The following UNC13C variants were observed in gnomAD, a reference collection of about 807,000 sequenced individuals.
The protein encoded by UNC13C is unc-13 homolog C, also known as protein unc-13 homolog C.
In UNC13C, 174 loss-of-function variants were observed where a neutral mutation model predicts 245.4. That is an observed-to-expected ratio of 0.71 (90% CI 0.63 to 0.80). The LOEUF (loss-of-function observed/expected upper bound fraction) is 0.80. Among genes scored for constraint, UNC13C ranks in the 30% least tolerant of loss-of-function variants. The pLI, the probability that UNC13C is intolerant of heterozygous loss-of-function variation, is 0.00. For synonymous variants in UNC13C, 992 were observed against 895.1 expected (o/e 1.11, Z -1.93); for missense variants, 2,829 against 2,602.9 (o/e 1.09, Z -1.89).
At chr15:54,032,762 C>A (rs74378848) in intron 2 of UNC13C, among the ~76,000 whole-genome samples, 7,279 of 152,124 alleles carry the variant, frequency 0.048, 576 homozygotes, top group African/African-American at 0.17. Flanking sequence ...CTCATGTGGT[C>A]CCCCATAGAA....
At chr15:54,244,290 G>A (rs2035934465) in intron 7 of UNC13C, among the ~76,000 whole-genome samples, 1 of 152,048 alleles carries the variant, frequency 6.6e-6, no homozygotes, top group African/African-American at 2.4e-5. Flanking sequence ...GAAGGTGCAT[G>A]GTCTTGTTTC....
At chr15:54,233,073 CCA>C (rs1246072411) in intron 4 of UNC13C, among the ~76,000 whole-genome samples, 4 of 152,104 alleles carry the variant, frequency 2.6e-5, no homozygotes, top group Non-Finnish European at 5.9e-5. Context: ...CTTTTCTACT[CCA>C]CAGTCTCTTG....
At chr15:54,421,791 A>G (rs946263148) in intron 19 of UNC13C, among the ~76,000 whole-genome samples, 4 of 152,034 alleles carry the variant, frequency 2.6e-5, no homozygotes, top group African/African-American at 9.7e-5. Context: ...ACCAAAGGAA[A>G]ATTACTCACA....
chr15:53,978,322 C>G (rs1164293300), upstream of UNC13C, among the ~76,000 whole-genome samples: 1 of 151,954 alleles, frequency 6.6e-6, no homozygotes, highest in Non-Finnish European at 1.5e-5. Context: ...CAGTGCGTCT[C>G]CTGTGAGCAG....
chr15:54,336,884 T>C (rs1222533013), intron 16 of UNC13C, among the ~76,000 whole-genome samples: 1 of 152,150 alleles, frequency 6.6e-6, no homozygotes, highest in Non-Finnish European at 1.5e-5. Flanking sequence ...TAGCAAATCA[T>C]TAAAAAAGAT....
chr15:54,091,534 A>G (rs1481872054), intron 2 of UNC13C, among the ~76,000 whole-genome samples: 2 of 151,992 alleles, frequency 1.3e-5, no homozygotes, highest in East Asian at 1.9e-4. Flanking sequence ...TTTGAGATTT[A>G]TTTTCCATCT....
At chr15:54,428,029 C>A (rs2140970605) in intron 19 of UNC13C, among the ~76,000 whole-genome samples, 2 of 151,882 alleles carry the variant, frequency 1.3e-5, no homozygotes, top group Middle Eastern at 6.8e-3. Flanking sequence ...ACAGCCTGTT[C>A]TGTTTTGTTT....
chr15:54,329,676 A>C (rs979734858), intron 14 of UNC13C, among the ~76,000 whole-genome samples: 1 of 152,030 alleles, frequency 6.6e-6, no homozygotes, highest in African/African-American at 2.4e-5. Flanking sequence ...TGTTTAAAGA[A>C]TCTCTATGAA....
chr15:54,275,341 G>A (rs904722978), intron 10 of UNC13C, among the ~76,000 whole-genome samples: 6 of 152,088 alleles, frequency 3.9e-5, no homozygotes, highest in South Asian at 4.1e-4. Flanking sequence ...ATGCCCAATA[G>A]CATTAGTTAT....
intron 4 of UNC13C, among the ~76,000 whole-genome samples, chr15:54,224,426 A>G (rs181777014): frequency 3.9e-5 from 6 of 152,268 alleles, no homozygotes; most frequent in Admixed American, 2.6e-4. Flanking sequence ...GATGTGATGT[A>G]TCACACTGAC....
At chr15:54,453,279 T>G (rs555337045) in intron 19 of UNC13C, among the ~76,000 whole-genome samples, 1 of 152,292 alleles carries the variant, frequency 6.6e-6, no homozygotes, top group East Asian at 1.9e-4. Context: ...CTCACTGGGC[T>G]CCCAGATGAT....
intron 1 of UNC13C, among the ~76,000 whole-genome samples, chr15:54,001,289 G>T (rs759436807): frequency 6.6e-6 from 1 of 152,140 alleles, no homozygotes; most frequent in Non-Finnish European, 1.5e-5. Context: ...GTATAGTAAG[G>T]GTGTTTGTAT....
chr15:54,039,776 C>G (rs1405154315), intron 2 of UNC13C, among the ~76,000 whole-genome samples: 1 of 152,082 alleles, frequency 6.6e-6, no homozygotes, highest in Non-Finnish European at 1.5e-5. Context: ...GACTGCTTCA[C>G]TTGGGTGTCT....
chr15:54,499,934 G>T (rs554501657), intron 20 of UNC13C, 145 bp from the exon 21 acceptor site: 3 of 619,662 alleles, frequency 4.8e-6, no homozygotes, highest in South Asian at 2.3e-5. Flanking sequence ...AACAGGTAAA[G>T]GTCTCTGAGG....
intron 2 of UNC13C, among the ~76,000 whole-genome samples, chr15:54,028,614 G>A (rs72625710): frequency 0.081 from 12,306 of 151,202 alleles, 647 homozygotes; most frequent in Middle Eastern, 0.15. Flanking sequence ...CCCAGTGCCC[G>A]CCAGTGGTCA....
chr15:53,858,197 A>G, the UNC13C span, among the ~76,000 whole-genome samples: 1 of 152,154 alleles, frequency 6.6e-6, no homozygotes, highest in Non-Finnish European at 1.5e-5. Context: ...GCATTCCATC[A>G]ATTGGAACTC....
chr15:53,947,243 G>A, the UNC13C span, among the ~76,000 whole-genome samples: 1 of 152,258 alleles, frequency 6.6e-6, no homozygotes, highest in East Asian at 1.9e-4. Flanking sequence ...AAAGCAGGTG[G>A]ATAGATGATA....
the UNC13C span, among the ~76,000 whole-genome samples, chr15:53,846,581 T>G: frequency 6.6e-6 from 1 of 152,190 alleles, no homozygotes; most frequent in Non-Finnish European, 1.5e-5. Context: ...TAAATAAATT[T>G]TTGTAGGCTA....
intron 2 of UNC13C, among the ~76,000 whole-genome samples, chr15:54,098,996 T>G (rs1031228365): frequency 8.5e-5 from 13 of 152,250 alleles, no homozygotes; most frequent in African/African-American, 3.1e-4. Context: ...TTGCAATGTG[T>G]TGCCTTATGT....
Sources: allele counts gnomAD v4.1 joint callset (sites outside exome capture counted in the v4.1 genomes callset), GRCh38; gene constraint gnomAD v4.1.1; transcripts MANE v1.5; gene names NCBI Gene and HGNC (gene_info 2026-07-23, HGNC 2026-07-21).